Variants in TRAPPC6B observed in about 807,000 individuals in gnomAD.
TRAPPC6B encodes the protein TRAPP complex subunit 6B.
In TRAPPC6B, 27 loss-of-function variants were observed where a neutral mutation model predicts 24.7. That is an observed-to-expected ratio of 1.09 (90% confidence interval 0.81 to 1.51). The LOEUF (loss-of-function observed/expected upper bound fraction) is 1.51. Ranked by LOEUF, TRAPPC6B falls within the 40% of genes most tolerant of loss-of-function variation. The pLI is 0.00. For synonymous variants in TRAPPC6B, 80 were observed against 66.6 expected (o/e 1.20, Z -0.98); for missense variants, 212 against 190.8 (o/e 1.11, Z -0.66).
chr14:39,157,612 A>G lies in TRAPPC6B; in HGVS notation c.267+673T>C, dbSNP rs1392936230. The G allele has an allele frequency of 1.3e-5, 5 of 371,410 alleles. No homozygotes were observed. In the East Asian group the frequency reaches 3.9e-4, roughly 29 times the overall value. 23.0% of individuals were successfully genotyped at this position (371,410 alleles called of 1,614,324 possible). A position where few individuals can be genotyped will look rare whatever the true frequency, so the allele number is the denominator to read the frequency against. ...AATGGGGGTCCCTTACCGCATTATC[A>G]AGGGGAAGGCAAGACTGGGATGTCT... On this transcript the variant is annotated intron_variant, in intron 3 of 5. Coordinates refer to ENST00000330149, the MANE Select transcript of TRAPPC6B (RefSeq NM_001079537.2).
chr14:39,162,393 G>A (rs1268361211), intron 1 of TRAPPC6B, among the ~76,000 whole-genome samples: 2 of 151,746 alleles, frequency 1.3e-5, no homozygotes, highest in African/African-American at 4.8e-5. Context: ...CTGACCTCAA[G>A]ATATCCTCCT....
chr14:39,169,921 CG>C, intron 1 of TRAPPC6B, 93 bp downstream of exon 1: 4 of 1,266,996 alleles, frequency 3.2e-6, no homozygotes, highest in Non-Finnish European at 4.6e-6. Flanking sequence ...CGGGAGGCGT[CG>C]GGTGGCGATG....
chr14:39,164,993 A>G (rs1299551462), intron 1 of TRAPPC6B, among the ~76,000 whole-genome samples: 1 of 151,328 alleles, frequency 6.6e-6, no homozygotes, highest in African/African-American at 2.4e-5. Flanking sequence ...CCAGAGTGCC[A>G]TGTTCTCTTC....
At chr14:39,150,488 CTA>C in intron 5 of TRAPPC6B, 107 bp from the exon 6 acceptor site, 1 of 803,802 alleles carries the variant, frequency 1.2e-6, no homozygotes, top group South Asian at 1.7e-5. Context: ...AAGAAATCTG[CTA>C]TGTCAAAAAC....
intron 1 of TRAPPC6B, among the ~76,000 whole-genome samples, chr14:39,168,875 G>C (rs2053135887): frequency 6.6e-6 from 1 of 152,004 alleles, no homozygotes; most frequent in African/African-American, 2.4e-5. Context: ...CCCAAACACT[G>C]GATTACTTTT....
At chr14:39,164,162 G>A (rs981797589) in intron 1 of TRAPPC6B, among the ~76,000 whole-genome samples, 9 of 151,820 alleles carry the variant, frequency 5.9e-5, no homozygotes, top group Admixed American at 1.3e-4. Context: ...CTATATTTCT[G>A]GTAGTGTAAC....
chr14:39,163,769 C>G lies in TRAPPC6B; in HGVS notation c.82-4219G>C, dbSNP rs141717251. Among the ~76,000 whole-genome samples, 187 of 151,048 alleles carry G rather than the reference C, an allele frequency of 1.2e-3. 17 individuals carry two copies. The highest frequency in any genetic ancestry group is 4.3e-3 in the African/African-American group (172 of 40,394). ...ATGCACTCTGCTTATGGTGCTGTGA[C>G]TATTAAATCTGCGTTTCTAGTACAG... On this transcript the variant is annotated intron_variant, in intron 1 of 5. Coordinates refer to ENST00000330149, the MANE Select transcript of TRAPPC6B (RefSeq NM_001079537.2).
chr14:39,159,551 C>T lies in TRAPPC6B; in HGVS notation c.82-1G>A, dbSNP rs2053030428. ...GCTTAGTAATACATCGTCCGTTTTCCTATTTTAAAAAACAATAGTTTTAAA... is the reference window on the plus strand; with the variant it reads ...GCTTAGTAATACATCGTCCGTTTTCTTATTTTAAAAAACAATAGTTTTAAA... On this transcript the variant is annotated splice_acceptor_variant, in intron 1 of 5. Coordinates refer to ENST00000330149, the MANE Select transcript of TRAPPC6B (RefSeq NM_001079537.2). LOFTEE classifies it high-confidence loss of function. 2 of 1,599,882 alleles carry T rather than the reference C, an allele frequency of 1.3e-6. No homozygotes were observed. The highest frequency in any genetic ancestry group is 1.7e-6 in the Non-Finnish European group (2 of 1,172,244).
chr14:39,169,449 A>G (rs2053142364), intron 1 of TRAPPC6B, among the ~76,000 whole-genome samples: 1 of 152,216 alleles, frequency 6.6e-6, no homozygotes, highest in Admixed American at 6.5e-5. Context: ...TGGCACCTAG[A>G]AATCGCTCTG....
chr14:39,158,395 T>C lies in TRAPPC6B; in HGVS notation c.157A>G (p.Lys53Glu). The C allele has an allele frequency of 1.3e-6, 2 of 1,571,466 alleles. No homozygotes were observed. Among genetic ancestry groups the C allele is most frequent in the Non-Finnish European group, 1.7e-6 (2 of 1,159,278 alleles). The stretch of plus-strand genomic sequence containing the variant: ...TCATCCTTGAACCTTGCAGTATCTT[T>C]TGTAAACCTAAAAAGATCAACTAGA... ...VGQGLIERFT[K>E]DTARFKDELD... The change falls in exon 3 of 6, where the codon AAA (lysine) becomes GAA (glutamate). Residue 53 changes from lysine to glutamate, a missense_variant. Physicochemically the swap from Lys to Glu is moderately conservative, Grantham distance 56 (BLOSUM62 1). Transcript: ENST00000330149.
chr14:39,161,829 C>T (rs1437350796), intron 1 of TRAPPC6B, among the ~76,000 whole-genome samples: 1 of 152,192 alleles, frequency 6.6e-6, no homozygotes, highest in Non-Finnish European at 1.5e-5. Context: ...CTCTCACCAA[C>T]CTCTAGAAAG....
chr14:39,158,269 T>C lies in TRAPPC6B; in HGVS notation c.267+16A>G. 2 of 1,371,764 alleles carry C rather than the reference T, an allele frequency of 1.5e-6. No individual in the cohort carries two copies. The highest frequency in any genetic ancestry group is 2.0e-6 in the Non-Finnish European group (2 of 985,338). The allele number at this position is 1,371,764 out of a possible 1,614,324, so 85.0% of individuals were successfully genotyped here. A position where few individuals can be genotyped will look rare whatever the true frequency, so the allele number is the denominator to read the frequency against. The stretch of plus-strand genomic sequence containing the variant: ...TTAAAGGACTTTAAAATATAGGCCT[T>C]AATTAATTTAATTACCTGATGATTT... On this transcript the variant is annotated intron_variant, in intron 3 of 5. Coordinates refer to ENST00000330149, the MANE Select transcript of TRAPPC6B (RefSeq NM_001079537.2).
At position 39,151,670 on chromosome 14, in the gene TRAPPC6B, TCA is replaced by T. The variant is rs978272337; in HGVS notation, c.445+74_445+75del. 13 of 1,059,690 alleles carry T rather than the reference TCA, an allele frequency of 1.2e-5. No homozygotes were observed. In the African/African-American group the frequency reaches 1.7e-4, roughly 14 times the overall value. The allele number at this position is 1,059,690 out of a possible 1,614,324, so 65.6% of individuals were successfully genotyped here. On this transcript the variant is annotated intron_variant, in intron 5 of 5. Transcript: ENST00000330149. ...AAGTTTCAGCATTTTAAATTTCCTC[TCA>T]GTTAAATTAAAAAAAAAAACAGACC...
intron 1 of TRAPPC6B, among the ~76,000 whole-genome samples, chr14:39,167,321 T>C (rs932242700): frequency 2.0e-5 from 3 of 152,226 alleles, no homozygotes; most frequent in Non-Finnish European, 2.9e-5. Context: ...TTCTTTCTTT[T>C]ATCTCACCTC....
intron 5 of TRAPPC6B, among the ~76,000 whole-genome samples, chr14:39,150,946 T>C (rs1312753449): frequency 6.6e-6 from 1 of 152,198 alleles, no homozygotes; most frequent in African/African-American, 2.4e-5. Context: ...ATGATCATTG[T>C]AAATTGAAAA....
At position 39,170,283 on chromosome 14, in the gene TRAPPC6B, G is replaced by T. The variant is rs2053155673; in HGVS notation, c.-188C>A. 3.4e-6 allele frequency: 2 copies of T among 593,134 alleles called. No individual in the cohort carries two copies. The highest frequency in any genetic ancestry group is 2.9e-5 in the East Asian group (1 of 34,304). 36.7% of individuals were successfully genotyped at this position (593,134 alleles called of 1,614,324 possible). ...TGGTACTGAAATGAGTCTGGTACTG[G>T]AGAGAGCCCACACTTCGGGGCTACC... is the stretch of plus-strand genomic sequence containing the variant. On this transcript the variant is annotated 5_prime_UTR_variant, in exon 1 of 6. Coordinates refer to ENST00000330149, the MANE Select transcript of TRAPPC6B (RefSeq NM_001079537.2).
At chr14:39,163,981 C>T (rs56282196) in intron 1 of TRAPPC6B, among the ~76,000 whole-genome samples, 12,489 of 150,816 alleles carry the variant, frequency 0.083, 959 homozygotes, top group African/African-American at 0.13. Flanking sequence ...CCTGTGCTCC[C>T]AACCCCCCAT....
At chr14:39,152,612 T>C (rs1446313294) in intron 4 of TRAPPC6B, among the ~76,000 whole-genome samples, 1 of 152,152 alleles carries the variant, frequency 6.6e-6, no homozygotes. Context: ...AGTAACTAGA[T>C]CTGAGTCATG....
Position 39,149,129 on chromosome 14 carries a change from C to A in TRAPPC6B, c.*1221G>T, listed in dbSNP as rs1180627669. ...ACAAATTATCTTTGTAATACTGTACCCTTCCATGAAAGGAAAATGGTATGC... is the reference window on the plus strand; with the variant it reads ...ACAAATTATCTTTGTAATACTGTACACTTCCATGAAAGGAAAATGGTATGC... On this transcript the variant is annotated 3_prime_UTR_variant, in exon 6 of 6. Transcript: ENST00000330149. The A allele has an allele frequency of 5.5e-6, 1 of 180,444 alleles. No individual in the cohort carries two copies. The highest frequency in any genetic ancestry group is 1.1e-5 in the Non-Finnish European group (1 of 87,474). The allele number at this position is 180,444 out of a possible 1,614,324, so 11.2% of individuals were successfully genotyped here.
Sources: gnomAD v4.1 joint callset for allele counts (sites outside exome capture counted in the v4.1 genomes callset) on GRCh38, gnomAD v4.1.1 for gene constraint, MANE v1.5 for transcripts, NCBI Gene and HGNC (gene_info 2026-07-23, HGNC 2026-07-21) for gene names.